MACF1: variants seen among roughly 807,000 people sequenced by gnomAD.
MACF1 encodes the protein microtubule actin crosslinking factor 1, also known as microtubule-actin cross-linking factor 1.
Under a neutral mutation model 854.8 loss-of-function variants are expected in MACF1, and 193 were observed. The ratio of observed to expected loss-of-function variants is 0.23; its 90% CI spans 0.20 to 0.25. The LOEUF is 0.25. Among genes scored for constraint, MACF1 ranks in the 10% least tolerant of loss-of-function variants. The pLI is 1.00. For synonymous variants in MACF1, 3,185 were observed against 3,226.7 expected, an observed-to-expected ratio of 0.99 and a Z score of 0.44; for missense variants, 7,722 against 8,929.1, an observed-to-expected ratio of 0.86 and a Z score of 5.45.
At chr1:39,164,736 C>CT (rs1643867082) in intron 2 of MACF1, among the ~76,000 whole-genome samples, 1 of 152,134 alleles carries the variant, frequency 6.6e-6, no homozygotes, top group Non-Finnish European at 1.5e-5. Flanking sequence ...TTGAGATTCT[C>CT]TTTGTTTTCT....
chr1:39,127,059 C>A (rs1160791761), intron 2 of MACF1, among the ~76,000 whole-genome samples: 1 of 151,648 alleles, frequency 6.6e-6, no homozygotes, highest in African/African-American at 2.4e-5. Context: ...CCCGACTCTA[C>A]TAAAAATAAC....
Position 39,283,667 on chromosome 1 carries a change from T to C in MACF1, c.915+152T>C. On this transcript the variant is annotated intron_variant, in intron 9 of 100. Transcript: ENST00000564288. This position sits in a 1 kb window ranked among gnomAD's most constrained non-coding sequence, Gnocchi z 4.5. The stretch of plus-strand genomic sequence containing the variant: ...CATACATGGACATTATCCTTGGCCC[T>C]GGAAATGAGTCTAGATATTGCTAAT... The C allele has an allele frequency of 1.6e-6, 1 of 643,484 alleles. No individual in the cohort carries two copies. The highest frequency in any genetic ancestry group is 2.8e-5 in the East Asian group (1 of 36,330). The allele number at this position is 643,484 out of a possible 1,614,324, so 39.9% of individuals were successfully genotyped here. A position where few individuals can be genotyped will look rare whatever the true frequency, so the allele number is the denominator to read the frequency against.
chr1:39,262,715 A>G (rs1645178579), intron 6 of MACF1, among the ~76,000 whole-genome samples: 1 of 152,142 alleles, frequency 6.6e-6, no homozygotes, highest in Admixed American at 6.5e-5. Context: ...GCTTTGGCCT[A>G]GTCTGTCTTC....
At position 39,369,427 on chromosome 1, in the gene MACF1, T is replaced by C. The variant is rs564875127; in HGVS notation, c.12939-603T>C. Reference sequence around the variant, plus strand: ...GCAGCAGGTTATCTAATGGAGAGGATGGGGACAAAGGTCAAGAAAGCTTTT... The same window carrying C: ...GCAGCAGGTTATCTAATGGAGAGGACGGGGACAAAGGTCAAGAAAGCTTTT... On this transcript the variant is annotated intron_variant, in intron 50 of 100. Transcript: ENST00000564288. 3.3e-5 allele frequency among the ~76,000 whole-genome samples: 5 copies of C among 152,324 alleles called. No individual in the cohort carries two copies. In the East Asian group the frequency reaches 7.7e-4, roughly 23 times the overall value.
intron 6 of MACF1, among the ~76,000 whole-genome samples, chr1:39,264,337 G>T (rs1188511631): frequency 6.6e-6 from 1 of 152,108 alleles, no homozygotes; most frequent in Non-Finnish European, 1.5e-5. Context: ...TTACAGTATT[G>T]TATTGGGTAA....
chr1:39,290,349 T>C (rs1320069565), intron 15 of MACF1, among the ~76,000 whole-genome samples: 1 of 152,150 alleles, frequency 6.6e-6, no homozygotes, highest in Non-Finnish European at 1.5e-5. Context: ...TGTAGGTGTA[T>C]GGATTTGTTT....
At chr1:39,318,055 G>C (rs1361097957) in intron 29 of MACF1, among the ~76,000 whole-genome samples, 1 of 152,166 alleles carries the variant, frequency 6.6e-6, no homozygotes, top group African/African-American at 2.4e-5. Context: ...CTCTCTCCTT[G>C]AGAAATTATA....
intron 1 of MACF1, among the ~76,000 whole-genome samples, chr1:39,220,479 G>T (rs1460144440): frequency 6.3e-5 from 4 of 63,606 alleles, no homozygotes; most frequent in African/African-American, 1.1e-4. Flanking sequence ...GGCCTTTAAT[G>T]AATTTTTTTT....
chr1:39,172,950 C>G (rs1643971764), intron 2 of MACF1, among the ~76,000 whole-genome samples: 1 of 152,206 alleles, frequency 6.6e-6, no homozygotes. Flanking sequence ...ACCCATTTAA[C>G]AGAATACTTT....
chr1:39,352,646 T>G (rs945082004), intron 43 of MACF1, among the ~76,000 whole-genome samples: 1 of 152,144 alleles, frequency 6.6e-6, no homozygotes, highest in African/African-American at 2.4e-5. Context: ...GCCTCCTGAG[T>G]AGCTGGGTCT....
At chr1:39,101,217 CA>C (rs1198434758) in intron 2 of MACF1, among the ~76,000 whole-genome samples, 1 of 149,584 alleles carries the variant, frequency 6.7e-6, no homozygotes, top group African/African-American at 2.5e-5. Context: ...ATTAGCTGGG[CA>C]TGGTGGCAGG....
At chr1:39,282,071 A>T in intron 6 of MACF1, 137 bp from the exon 7 acceptor site, 3 of 653,740 alleles carry the variant, frequency 4.6e-6, no homozygotes, top group Non-Finnish European at 5.0e-6. Flanking sequence ...GAGGGGGAAT[A>T]TATGTTGGAA....
chr1:39,113,411 A>G (rs1158312134), intron 2 of MACF1, among the ~76,000 whole-genome samples: 1 of 152,212 alleles, frequency 6.6e-6, no homozygotes, highest in Non-Finnish European at 1.5e-5. Context: ...CTTTCCTTTC[A>G]TCAACACAAA....
At chr1:39,412,714 G>A in intron 58 of MACF1, 5 of 1,613,932 alleles carry the variant, frequency 3.1e-6, no homozygotes, top group Non-Finnish European at 4.2e-6. Context: ...AGTTACCAAG[G>A]CTGGTAATAC....
At chr1:39,323,622 T>C (rs1321752684) in intron 33 of MACF1, among the ~76,000 whole-genome samples, 1 of 152,094 alleles carries the variant, frequency 6.6e-6, no homozygotes, top group African/African-American at 2.4e-5. Flanking sequence ...TACATAATTA[T>C]GTATTTTAGA....
intron 2 of MACF1, among the ~76,000 whole-genome samples, chr1:39,233,271 TG>T (rs1268553347): frequency 6.6e-6 from 1 of 152,178 alleles, no homozygotes; most frequent in African/African-American, 2.4e-5. Context: ...CAACCTCAGG[TG>T]ATCCACCCAC....
At position 39,335,499 on chromosome 1, in the gene MACF1, G is replaced by A. The variant is rs778429380; in HGVS notation, c.8911G>A (p.Val2971Met). Residue 2971 changes from valine (V) to methionine (M), a missense_variant, in exon 37 of 101, where the codon GTG becomes ATG. Coordinates refer to ENST00000564288, the MANE Select transcript of MACF1 (RefSeq NM_001394062.1). The stretch of plus-strand genomic sequence containing the variant: ...TTTGCAGCAACCAATGAATGCTCGG[G>A]TGAAAAGTAAGAGAGAGAAGAGGGA... ...QVLQQPMNAR[V>M]KSKREKREVI... 2 of 1,614,060 alleles carry A rather than the reference G, an allele frequency of 1.2e-6. No individual in the cohort carries two copies. The highest frequency in any genetic ancestry group is 2.2e-5 in the South Asian group (2 of 91,084).
At chr1:39,269,457 G>A in intron 6 of MACF1, 1 of 1,289,866 alleles carries the variant, frequency 7.8e-7, no homozygotes, top group Non-Finnish European at 1.0e-6. Context: ...CCAGCCTGGA[G>A]GCCAAAGACG....
intron 2 of MACF1, among the ~76,000 whole-genome samples, chr1:39,152,462 T>A (rs1285131024): frequency 6.6e-6 from 1 of 152,214 alleles, no homozygotes; most frequent in Non-Finnish European, 1.5e-5. Context: ...TATAGACAAG[T>A]ACAGAAAATG....
Sources: gnomAD v4.1 joint callset for allele counts (sites outside exome capture counted in the v4.1 genomes callset) on GRCh38, gnomAD v4.1.1 for gene constraint, Gnocchi (gnomAD v3.1) non-coding constraint, MANE v1.5 for transcripts, NCBI Gene and HGNC (gene_info 2026-07-23, HGNC 2026-07-21) for gene names.